Variants in AZIN2 observed in about 807,000 individuals in gnomAD.
The protein encoded by AZIN2 is ODC antizyme inhibitor-2.
A neutral mutation model predicts 47.8 loss-of-function variants in AZIN2; 28 were observed. That is an observed-to-expected ratio of 0.59 (90% CI 0.43 to 0.80). The LOEUF (loss-of-function observed/expected upper bound fraction) is 0.80, where lower values mean the gene tolerates loss of function less well. Among genes scored for constraint, AZIN2 ranks in the 30% least tolerant of loss-of-function variants. The pLI is 0.00. For synonymous variants in AZIN2, 221 were observed against 239.4 expected (o/e 0.92, Z 0.71); for missense variants, 535 against 582.5 (o/e 0.92, Z 0.84).
the AZIN2 span, chr1:33,147,200 G>A: frequency 6.2e-7 from 1 of 1,613,578 alleles, no homozygotes; most frequent in Non-Finnish European, 8.5e-7. The surrounding 1 kb of genome is among the most constrained non-coding windows in gnomAD (Gnocchi z 8.1). Flanking sequence ...GTGTTGATCC[G>A]CAGCGGCTGA....
chr1:33,158,285 A>T, the AZIN2 span: 1 of 1,614,048 alleles, frequency 6.2e-7, no homozygotes, highest in Non-Finnish European at 8.5e-7. Flanking sequence ...GGACTTCCAG[A>T]TGGTGTACTG....
At chr1:33,101,252 G>T (rs1033918513) in intron 10 of AZIN2, among the ~76,000 whole-genome samples, 1 of 151,146 alleles carries the variant, frequency 6.6e-6, no homozygotes, top group Admixed American at 6.6e-5. Flanking sequence ...TTGTCTAGGC[G>T]GGTTGAGAAC....
At chr1:33,165,290 T>G in the AZIN2 span, 1 of 542,606 alleles carries the variant, frequency 1.8e-6, no homozygotes, top group Non-Finnish European at 3.3e-6. The surrounding 1 kb of genome is among the most constrained non-coding windows in gnomAD (Gnocchi z 4.0). Context: ...GCCGCCCCAT[T>G]GAACTTCACG....
the AZIN2 span, chr1:33,164,691 G>GA: frequency 1.3e-5 from 2 of 152,278 alleles, no homozygotes; most frequent in Non-Finnish European, 2.9e-5. Context: ...CTTAAGGGGA[G>GA]ATGATACCAG....
At chr1:33,160,151 C>T in the AZIN2 span, among the ~76,000 whole-genome samples, 1 of 151,978 alleles carries the variant, frequency 6.6e-6, no homozygotes, top group African/African-American at 2.4e-5. Flanking sequence ...ATGAAATGGC[C>T]CAGGTGAGAA....
chr1:33,148,896 A>C, the AZIN2 span, among the ~76,000 whole-genome samples: 1 of 152,218 alleles, frequency 6.6e-6, no homozygotes, highest in Non-Finnish European at 1.5e-5. Context: ...CATCCTGCAA[A>C]TATTGGCAGA....
the AZIN2 span, chr1:33,165,626 C>T: frequency 4.8e-6 from 7 of 1,447,310 alleles, no homozygotes; most frequent in African/African-American, 8.5e-5. The surrounding 1 kb of genome is among the most constrained non-coding windows in gnomAD (Gnocchi z 4.0). Context: ...GGCATTCAGC[C>T]CTGACCACTG....
At chr1:33,086,519 T>C (rs1641918819) in intron 5 of AZIN2, among the ~76,000 whole-genome samples, 1 of 152,222 alleles carries the variant, frequency 6.6e-6, no homozygotes, top group African/African-American at 2.4e-5. Context: ...CAGCTTTTCT[T>C]GGAAGGCCAA....
At chr1:33,155,260 C>T in the AZIN2 span, among the ~76,000 whole-genome samples, 5 of 151,732 alleles carry the variant, frequency 3.3e-5, no homozygotes, top group East Asian at 2.0e-4. Context: ...TTAGTAGAGA[C>T]GGGGTTTCAC....
At chr1:33,103,211 A>G (rs1199285988) in intron 10 of AZIN2, among the ~76,000 whole-genome samples, 1 of 152,006 alleles carries the variant, frequency 6.6e-6, no homozygotes, top group Non-Finnish European at 1.5e-5. Context: ...GCTTAACACC[A>G]TCTGTGGCTT....
At chr1:33,126,011 A>G (rs1289797378), downstream of AZIN2, among the ~76,000 whole-genome samples, 1 of 152,148 alleles carries the variant, frequency 6.6e-6, no homozygotes, top group Non-Finnish European at 1.5e-5. Flanking sequence ...CAAACAAACA[A>G]AAAAACTGTA....
the AZIN2 span, among the ~76,000 whole-genome samples, chr1:33,162,694 G>A: frequency 6.6e-6 from 1 of 152,168 alleles, no homozygotes; most frequent in South Asian, 2.1e-4. Flanking sequence ...GGGAGGGAAA[G>A]GGGGGAAGGC....
chr1:33,082,523 C>G, intron 4 of AZIN2, 169 bp downstream of exon 4: 1 of 556,164 alleles, frequency 1.8e-6, no homozygotes, highest in South Asian at 2.2e-5. Context: ...TCCTTGCCCC[C>G]AAACCTGCCC....
chr1:33,106,454 C>T (rs1644011761), intron 10 of AZIN2, among the ~76,000 whole-genome samples: 2 of 152,248 alleles, frequency 1.3e-5, no homozygotes, highest in South Asian at 4.1e-4. Context: ...AAGCCAAATA[C>T]ACCATAAGAA....
chr1:33,111,546 G>A (rs1272306915), intron 10 of AZIN2, among the ~76,000 whole-genome samples: 1 of 152,082 alleles, frequency 6.6e-6, no homozygotes, highest in African/African-American at 2.4e-5. Flanking sequence ...GAGGCAAACT[G>A]GGGGGAATAT....
chr1:33,097,906 A>G (rs1643324226), intron 9 of AZIN2, 161 bp from the exon 10 acceptor site: 1 of 622,830 alleles, frequency 1.6e-6, no homozygotes, highest in Non-Finnish European at 2.9e-6. Flanking sequence ...AACCCATGTC[A>G]TTGGAAGGAT....
chr1:33,083,875 T>G, intron 4 of AZIN2, 79 bp from the exon 5 acceptor site: 1 of 1,557,332 alleles, frequency 6.4e-7, no homozygotes. Flanking sequence ...CTGGGTCAGG[T>G]ACTTGGAAGG....
chr1:33,110,626 C>A (rs1426316734), intron 10 of AZIN2, among the ~76,000 whole-genome samples: 1 of 151,780 alleles, frequency 6.6e-6, no homozygotes, highest in Non-Finnish European at 1.5e-5. Context: ...ATATTAGAGA[C>A]AACAGAAGAG....
the AZIN2 span, chr1:33,165,485 G>C: frequency 1.9e-6 from 3 of 1,606,510 alleles, no homozygotes; most frequent in Middle Eastern, 1.9e-4. The surrounding 1 kb of genome is among the most constrained non-coding windows in gnomAD (Gnocchi z 4.0). Flanking sequence ...GTCTCCGCCA[G>C]TTGTCGCTTG....
Sources: gnomAD v4.1 joint callset for allele counts (sites outside exome capture counted in the v4.1 genomes callset) on GRCh38, gnomAD v4.1.1 for gene constraint, Gnocchi (gnomAD v3.1) non-coding constraint, MANE v1.5 for transcripts, NCBI Gene and HGNC (gene_info 2026-07-23, HGNC 2026-07-21) for gene names.